KCNH7: variants seen among roughly 807,000 people sequenced by gnomAD.
The protein encoded by KCNH7 is voltage-gated inwardly rectifying potassium channel KCNH7.
Under a neutral mutation model 120.8 loss-of-function variants are expected in KCNH7, and 49 were observed. That is an observed-to-expected ratio of 0.41 (90% CI 0.32 to 0.51). KCNH7 has a LOEUF of 0.51. Among genes scored for constraint, KCNH7 ranks in the 20% least tolerant of loss-of-function variants. The pLI is 0.38. For missense variants in KCNH7, 1,097 were observed against 1,446.6 expected, an observed-to-expected ratio of 0.76 and a Z score of 3.92; for synonymous variants, 547 against 516.1, an observed-to-expected ratio of 1.06 and a Z score of -0.81.
chr2:162,698,839 T>A (rs1686390896), intron 2 of KCNH7, among the ~76,000 whole-genome samples: 1 of 152,128 alleles, frequency 6.6e-6, no homozygotes, highest in African/African-American at 2.4e-5. Flanking sequence ...TACTCTCATT[T>A]ACCTGTTATT....
At chr2:162,488,593 C>T (rs1690184496) in intron 6 of KCNH7, among the ~76,000 whole-genome samples, 1 of 152,128 alleles carries the variant, frequency 6.6e-6, no homozygotes, top group African/African-American at 2.4e-5. Context: ...AGTAACAAAA[C>T]TTTCTATACA....
intron 6 of KCNH7, among the ~76,000 whole-genome samples, chr2:162,489,998 A>G (rs1460724422): frequency 6.6e-6 from 1 of 152,252 alleles, no homozygotes; most frequent in Non-Finnish European, 1.5e-5. Flanking sequence ...TGAGGTTTAT[A>G]TGATATATAA....
intron 2 of KCNH7, among the ~76,000 whole-genome samples, chr2:162,747,095 T>G (rs1226655111): frequency 6.6e-6 from 1 of 152,158 alleles, no homozygotes; most frequent in Non-Finnish European, 1.5e-5. Flanking sequence ...ATGCATTTAT[T>G]TTCAGAATTT....
intron 2 of KCNH7, among the ~76,000 whole-genome samples, chr2:162,669,338 T>C (rs4667884): frequency 0.93 from 142,089 of 152,220 alleles, 66,682 homozygotes; most frequent in East Asian, 1. Context: ...CTGCAGGACT[T>C]CAAAGACAAG....
At chr2:162,802,672 C>A (rs1476583702) in intron 2 of KCNH7, among the ~76,000 whole-genome samples, 2 of 151,346 alleles carry the variant, frequency 1.3e-5, no homozygotes, top group Non-Finnish European at 3.0e-5. Flanking sequence ...ATCCAATAAA[C>A]CCACAAGAAT....
At chr2:162,494,105 G>T (rs1229652990) in intron 6 of KCNH7, among the ~76,000 whole-genome samples, 1 of 152,122 alleles carries the variant, frequency 6.6e-6, no homozygotes, top group Non-Finnish European at 1.5e-5. Flanking sequence ...AGATGAGATA[G>T]AATTATGTTT....
chr2:162,659,962 G>A (rs915036091), intron 2 of KCNH7, among the ~76,000 whole-genome samples: 3 of 152,100 alleles, frequency 2.0e-5, no homozygotes, highest in African/African-American at 7.2e-5. Flanking sequence ...TCCAAGGAAT[G>A]TGTAGTGATG....
rs372437216 is a variant in KCNH7 at position 162,379,896 on chromosome 2, C to T, written c.3088G>A (p.Glu1030Lys). The T allele has an allele frequency of 2.7e-5, 43 of 1,613,880 alleles. 1 individual carries two copies. Among genetic ancestry groups the T allele is most frequent in the African/African-American group, 1.3e-5 (1 of 74,908 alleles). ...AGCAGATCTAATCTTTGTTCCACTTCCCCGTAGGTGAGGTCGCTTTCGGTT... is the reference window on the plus strand; with the variant it reads ...AGCAGATCTAATCTTTGTTCCACTTTCCCGTAGGTGAGGTCGCTTTCGGTT... Reference protein sequence around the residue: ...SETESDLTYGEVEQRLDLLQE... With the variant: ...SETESDLTYGKVEQRLDLLQE... The change falls in exon 14 of 16, where the codon GAA becomes AAA. Residue 1030 changes from glutamate (E) to lysine (K), a missense_variant. Transcript: ENST00000332142.
At chr2:162,639,222 G>GA (rs1338365842) in intron 2 of KCNH7, among the ~76,000 whole-genome samples, 1 of 152,084 alleles carries the variant, frequency 6.6e-6, no homozygotes, top group Non-Finnish European at 1.5e-5. Flanking sequence ...CACTAACAGT[G>GA]ATGATAGCTA....
intron 2 of KCNH7, among the ~76,000 whole-genome samples, chr2:162,620,115 GATA>G (rs1364752057): frequency 6.7e-5 from 10 of 150,284 alleles, no homozygotes; most frequent in Admixed American, 5.3e-4. Flanking sequence ...ATAAAAAAAG[GATA>G]ATAAAAAATC....
intron 6 of KCNH7, among the ~76,000 whole-genome samples, chr2:162,493,604 C>G (rs1282437720): frequency 1.3e-5 from 2 of 152,160 alleles, no homozygotes; most frequent in African/African-American, 4.8e-5. Flanking sequence ...ATGGAATTAA[C>G]CACGTCACTA....
Position 162,528,677 on chromosome 2 carries a change from A to G in KCNH7, c.463+8248T>C, listed in dbSNP as rs530237149. ...GGCTTTGGAGTCTTATATTTTAGGC[A>G]ATAGAGGACCATTGTAAAAGATATA... On this transcript the variant is annotated intron_variant, in intron 3 of 15. Coordinates refer to ENST00000332142, the MANE Select transcript of KCNH7 (RefSeq NM_033272.4). Among the ~76,000 whole-genome samples, 4 of 152,082 alleles carry G rather than the reference A, an allele frequency of 2.6e-5. No individual in the cohort carries two copies. In the South Asian group the frequency reaches 8.3e-4, roughly 32 times the overall value.
chr2:162,386,796 T>A (rs1686586182), intron 12 of KCNH7, among the ~76,000 whole-genome samples: 1 of 151,918 alleles, frequency 6.6e-6, no homozygotes, highest in East Asian at 1.9e-4. Flanking sequence ...TCCTTACACA[T>A]GGTAGAATGT....
chr2:162,688,890 T>G (rs563755086), intron 2 of KCNH7, among the ~76,000 whole-genome samples: 2 of 152,004 alleles, frequency 1.3e-5, no homozygotes, highest in Non-Finnish European at 2.9e-5. Flanking sequence ...GGCAGAATGA[T>G]CTGGAATGAA....
rs368009052 is a variant in KCNH7, at chr2:162,458,786, C to T, written c.1129-12343G>A. 5.3e-5 allele frequency among the ~76,000 whole-genome samples: 8 copies of T among 151,900 alleles called. No individual in the cohort carries two copies. The East Asian group carries it at 5.8e-4, about 11-fold the overall frequency. ...ATAGATGCCAACAGGAGGACGTCTTCGGCAGGCAGTTAGAAGGTCTGAGCC... is the reference window on the plus strand; with the variant it reads ...ATAGATGCCAACAGGAGGACGTCTTTGGCAGGCAGTTAGAAGGTCTGAGCC... On this transcript the variant is annotated intron_variant, in intron 6 of 15. Coordinates refer to ENST00000332142, the MANE Select transcript of KCNH7 (RefSeq NM_033272.4).
intron 9 of KCNH7, among the ~76,000 whole-genome samples, chr2:162,421,913 C>T (rs1687718641): frequency 6.6e-6 from 1 of 152,122 alleles, no homozygotes; most frequent in Non-Finnish European, 1.5e-5. Flanking sequence ...ATTAAGAATT[C>T]TTGACACTGC....
At chr2:162,500,327 A>G (rs1281154686) in intron 6 of KCNH7, among the ~76,000 whole-genome samples, 2 of 141,546 alleles carry the variant, frequency 1.4e-5, no homozygotes, top group Admixed American at 7.7e-5. Flanking sequence ...TATGTATATT[A>G]TATATACACA....
intron 2 of KCNH7, among the ~76,000 whole-genome samples, chr2:162,709,692 T>C (rs150492592): frequency 1.1e-3 from 169 of 152,280 alleles, no homozygotes; most frequent in African/African-American, 3.8e-3. Flanking sequence ...AACTCTATCT[T>C]TAAGCCTTTG....
intron 2 of KCNH7, among the ~76,000 whole-genome samples, chr2:162,657,252 G>A (rs1037943539): frequency 6.6e-5 from 10 of 152,074 alleles, no homozygotes; most frequent in African/African-American, 9.7e-5. Flanking sequence ...TATATCCAGC[G>A]CTATAGTTTC....
Sources: gnomAD v4.1 joint callset for allele counts (sites outside exome capture counted in the v4.1 genomes callset) on GRCh38, gnomAD v4.1.1 for gene constraint, MANE v1.5 for transcripts, NCBI Gene and HGNC (gene_info 2026-07-23, HGNC 2026-07-21) for gene names.